Variants in SNX10 observed in about 807,000 individuals in gnomAD.
The protein encoded by SNX10 is sorting nexin 10.
Under a neutral mutation model 28.5 loss-of-function variants are expected in SNX10, and 25 were observed. That is an observed-to-expected ratio of 0.88 (90% confidence interval 0.64 to 1.22). The LOEUF is 1.22. SNX10 is among the 50% of genes most tolerant of loss of function. The probability of loss-of-function intolerance (pLI) is 0.00; values close to 1 mark genes in which losing one functional copy is unlikely to be tolerated. For synonymous variants in SNX10, 62 were observed against 81.4 expected, an observed-to-expected ratio of 0.76 and a Z score of 1.28; for missense variants, 223 against 242.6, an observed-to-expected ratio of 0.92 and a Z score of 0.54.
chr7:26,292,529 T>G (rs545323065), intron 1 of SNX10, among the ~76,000 whole-genome samples: 87 of 152,190 alleles, frequency 5.7e-4, no homozygotes, highest in African/African-American at 1.9e-3. Flanking sequence ...GGTAGGCAGG[T>G]TTATTCGTGG....
At chr7:26,342,032 T>TC (rs1476860780) in intron 1 of SNX10, among the ~76,000 whole-genome samples, 2 of 140,216 alleles carry the variant, frequency 1.4e-5, no homozygotes, top group African/African-American at 5.4e-5. Flanking sequence ...TTCTTTCTTT[T>TC]TTTTTTTTTT....
chr7:26,319,753 A>G (rs972248605), intron 1 of SNX10, among the ~76,000 whole-genome samples: 1 of 152,170 alleles, frequency 6.6e-6, no homozygotes, highest in Admixed American at 6.5e-5. Context: ...ACTGATGATA[A>G]CAAAACAAAA....
chr7:26,291,985 C>CGCCGCCGCCGCT lies in SNX10; in HGVS notation c.-116_-105dup, dbSNP rs1562776078. 1 of 146,646 alleles carries CGCCGCCGCCGCT rather than the reference C, an allele frequency of 6.8e-6. No homozygotes were observed. Among genetic ancestry groups the CGCCGCCGCCGCT allele is most frequent in the African/African-American group, 2.5e-5 (1 of 40,758 alleles). The allele number at this position is 146,646 out of a possible 1,614,324, so 9.1% of individuals were successfully genotyped here. ...GCGCTCGTGTGCGCTCCTGGGCGCT[C>CGCCGCCGCCGCT]GCCGCCGCCGCTGCCGCCGCGCGCC... On this transcript the variant is annotated 5_prime_UTR_variant, in exon 1 of 7. Coordinates refer to ENST00000338523, the MANE Select transcript of SNX10 (RefSeq NM_013322.3).
chr7:26,305,832 T>A (rs188187590), intron 1 of SNX10, among the ~76,000 whole-genome samples: 2 of 152,376 alleles, frequency 1.3e-5, no homozygotes, highest in Admixed American at 1.3e-4. Flanking sequence ...CAGTCATTAT[T>A]GCCAGCAAGT....
At chr7:26,309,230 C>T (rs1278508041) in intron 1 of SNX10, among the ~76,000 whole-genome samples, 1 of 152,162 alleles carries the variant, frequency 6.6e-6, no homozygotes, top group Non-Finnish European at 1.5e-5. Context: ...GCCTCCCCCT[C>T]CATTCTTCCG....
intron 2 of SNX10, among the ~76,000 whole-genome samples, chr7:26,353,535 T>G (rs1788698081): frequency 7.5e-6 from 1 of 133,902 alleles, no homozygotes; most frequent in Non-Finnish European, 1.5e-5. Context: ...CACTGCAACC[T>G]CCGCCTCCCA....
intron 1 of SNX10, among the ~76,000 whole-genome samples, chr7:26,310,220 A>G (rs955753064): frequency 1.3e-5 from 2 of 152,108 alleles, no homozygotes; most frequent in Non-Finnish European, 2.9e-5. Flanking sequence ...TTCCCTTCCC[A>G]GGTGGTTGGG....
chr7:26,323,030 T>C (rs552151782), intron 1 of SNX10, among the ~76,000 whole-genome samples: 2 of 152,282 alleles, frequency 1.3e-5, no homozygotes, highest in East Asian at 3.9e-4. Flanking sequence ...GAAGGATCAC[T>C]TGGGCCCAGG....
intron 1 of SNX10, among the ~76,000 whole-genome samples, chr7:26,297,727 A>G (rs1387427515): frequency 6.6e-6 from 1 of 152,108 alleles, no homozygotes; most frequent in Non-Finnish European, 1.5e-5. Flanking sequence ...GTTATAAGTA[A>G]TATTTTTAGA....
intron 1 of SNX10, among the ~76,000 whole-genome samples, chr7:26,336,269 G>GA (rs915349198): frequency 6.7e-6 from 1 of 149,894 alleles, no homozygotes; most frequent in Non-Finnish European, 1.5e-5. Context: ...GCGAAATACA[G>GA]AAAAAAAGGA....
intron 1 of SNX10, among the ~76,000 whole-genome samples, chr7:26,335,547 C>T (rs1309337872): frequency 4.0e-5 from 6 of 149,354 alleles, no homozygotes; most frequent in Admixed American, 2.7e-4. Context: ...GACAGCCAGC[C>T]GCCTGTAGAT....
chr7:26,351,660 T>TG (rs1491210136), intron 2 of SNX10, among the ~76,000 whole-genome samples: 4 of 27,050 alleles, frequency 1.5e-4, no homozygotes, highest in African/African-American at 3.2e-4. Context: ...TTTTTTTTTG[T>TG]TTTTTTTTTT....
At chr7:26,316,860 T>C (rs1489703175) in intron 1 of SNX10, among the ~76,000 whole-genome samples, 1 of 152,198 alleles carries the variant, frequency 6.6e-6, no homozygotes, top group African/African-American at 2.4e-5. Flanking sequence ...TCTGTGCGAA[T>C]GTGTATGGAA....
chr7:26,302,905 C>T (rs759513154), intron 1 of SNX10, among the ~76,000 whole-genome samples: 2 of 152,120 alleles, frequency 1.3e-5, no homozygotes, highest in African/African-American at 4.8e-5. Flanking sequence ...GCCGAAATCA[C>T]ACTGCATTCC....
intron 1 of SNX10, among the ~76,000 whole-genome samples, chr7:26,341,122 A>T (rs1788160826): frequency 6.6e-6 from 1 of 152,084 alleles, no homozygotes; most frequent in African/African-American, 2.4e-5. Flanking sequence ...ACATAGGGAT[A>T]TACCATCTCT....
chr7:26,316,697 C>T (rs73066426), intron 1 of SNX10, among the ~76,000 whole-genome samples: 9,502 of 152,038 alleles, frequency 0.062, 720 homozygotes, highest in African/African-American at 0.18. Context: ...ATGAGGATAC[C>T]GAGGCGCACA....
chr7:26,333,323 T>A (rs1327115994), intron 1 of SNX10, among the ~76,000 whole-genome samples: 1 of 86,760 alleles, frequency 1.2e-5, no homozygotes, highest in Admixed American at 1.1e-4. Context: ...TATTTTATTC[T>A]TTTTTTTTTT....
intron 3 of SNX10, among the ~76,000 whole-genome samples, chr7:26,363,127 T>C (rs2699809): frequency 0.45 from 67,702 of 151,948 alleles, 15,854 homozygotes; most frequent in Middle Eastern, 0.6. Flanking sequence ...AGGAGCACAG[T>C]AGAGTGAGGC....
chr7:26,366,039 C>T (rs878887317), intron 5 of SNX10, among the ~76,000 whole-genome samples: 2 of 152,178 alleles, frequency 1.3e-5, no homozygotes, highest in Admixed American at 1.3e-4. Context: ...TATCTTAATG[C>T]ACTTAGACAT....
Sources: allele counts gnomAD v4.1 joint callset (sites outside exome capture counted in the v4.1 genomes callset), GRCh38; gene constraint gnomAD v4.1.1; transcripts MANE v1.5; gene names NCBI Gene and HGNC (gene_info 2026-07-23, HGNC 2026-07-21).